Variants in MBOAT1 observed in about 807,000 individuals in gnomAD.
The protein encoded by MBOAT1 is membrane-bound glycerophospholipid O-acyltransferase 1.
In MBOAT1, 67 loss-of-function variants were observed where a neutral mutation model predicts 64.4. The ratio of observed to expected loss-of-function variants is 1.04; its 90% confidence interval spans 0.85 to 1.27. The LOEUF (loss-of-function observed/expected upper bound fraction) is 1.27, where lower values mean the gene tolerates loss of function less well. Ranked by LOEUF, MBOAT1 falls within the 50% of genes most tolerant of loss-of-function variation. The probability of loss-of-function intolerance (pLI) is 0.00; values close to 1 mark genes in which losing one functional copy is unlikely to be tolerated. For synonymous variants in MBOAT1, 229 were observed against 218.9 expected (o/e 1.05, Z -0.41); for missense variants, 563 against 604.6 (o/e 0.93, Z 0.72).
At chr6:20,165,163 G>A (rs572023118) in intron 1 of MBOAT1, among the ~76,000 whole-genome samples, 93 of 152,280 alleles carry the variant, frequency 6.1e-4, no homozygotes, top group African/African-American at 2.1e-3. Context: ...AGAGAAGCTA[G>A]GACTATTAGC....
rs1461083014 is a variant in MBOAT1, at chr6:20,100,635, G to C, written c.*1651C>G. 1.3e-5 allele frequency among the ~76,000 whole-genome samples: 2 copies of C among 152,260 alleles called. No individual in the cohort carries two copies. The highest frequency in any genetic ancestry group is 3.9e-4 in the East Asian group (2 of 5,184). Reference sequence around the variant, plus strand: ...ACATTTCACTATCCTAAGAGAAGCAGCAGTAGGACACCTTATGGACCTGTG... The same window carrying C: ...ACATTTCACTATCCTAAGAGAAGCACCAGTAGGACACCTTATGGACCTGTG... On this transcript the variant is annotated 3_prime_UTR_variant, in exon 13 of 13. Transcript: ENST00000324607.
intron 4 of MBOAT1, among the ~76,000 whole-genome samples, chr6:20,141,661 A>G (rs1426534474): frequency 1.7e-4 from 26 of 152,008 alleles, no homozygotes; most frequent in Admixed American, 1.6e-3. Flanking sequence ...TGCTGAGATG[A>G]TAAGTGTGAG....
intron 1 of MBOAT1, among the ~76,000 whole-genome samples, chr6:20,169,328 A>G (rs1390059131): frequency 6.6e-6 from 1 of 152,252 alleles, no homozygotes; most frequent in Non-Finnish European, 1.5e-5. Context: ...ATTTGAAAAT[A>G]AAACACAATG....
intron 4 of MBOAT1, among the ~76,000 whole-genome samples, chr6:20,135,128 G>A (rs76460681): frequency 2.2e-3 from 339 of 151,948 alleles, no homozygotes; most frequent in African/African-American, 8.0e-3. Context: ...TCCAATCATA[G>A]GATCCACCAT....
intron 1 of MBOAT1, among the ~76,000 whole-genome samples, chr6:20,159,383 T>A (rs986432312): frequency 6.6e-6 from 1 of 152,070 alleles, no homozygotes; most frequent in African/African-American, 2.4e-5. Flanking sequence ...GCAACCTAAG[T>A]GCCATCAAGG....
chr6:20,113,005 C>T lies in MBOAT1; in HGVS notation c.1080G>A (p.Val360=). 6.2e-7 allele frequency: 1 copy of T among 1,613,294 alleles called. No individual in the cohort carries two copies. Among genetic ancestry groups the T allele is most frequent in the Non-Finnish European group, 8.5e-7 (1 of 1,179,650 alleles). ...GGTACCATGGAACCCGCTGATAGCA[C>T]ACACTGTGAAGAGAGGAAGGAACAA... The part of the protein sequence containing the change: ...NIQTATWLKC[V]CYQRVPWYPT... Residue 360 remains valine, a synonymous_variant, in exon 11 of 13, where the codon GTG becomes GTA. Transcript: ENST00000324607.
At chr6:20,175,648 T>G (rs1762322911) in intron 1 of MBOAT1, among the ~76,000 whole-genome samples, 2 of 151,258 alleles carry the variant, frequency 1.3e-5, no homozygotes, top group South Asian at 4.2e-4. Flanking sequence ...TTTTTTTGTA[T>G]TTTAGTAGAG....
intron 10 of MBOAT1, among the ~76,000 whole-genome samples, chr6:20,115,008 T>C (rs1165626634): frequency 2.0e-5 from 3 of 152,102 alleles, no homozygotes; most frequent in Admixed American, 6.5e-5. Context: ...ATCTGTAAAA[T>C]GGGGGTAATA....
rs116026545 is a variant in MBOAT1, at chr6:20,109,554, T to C, written c.1361+44A>G. The C allele has an allele frequency of 1.9e-3, 2,976 of 1,590,620 alleles. 48 individuals carry two copies. In the African/African-American group the frequency reaches 0.034, roughly 18 times the overall value. On this transcript the variant is annotated intron_variant, in intron 12 of 12. Transcript: ENST00000324607. The stretch of plus-strand genomic sequence containing the variant: ...CCTCCTAAGTCAAACACAGTGAAAA[T>C]AGAGTCATTTACGAGATGGCAACTG...
At chr6:20,111,576 T>A (rs1760137973) in intron 11 of MBOAT1, among the ~76,000 whole-genome samples, 1 of 151,792 alleles carries the variant, frequency 6.6e-6, no homozygotes, top group Non-Finnish European at 1.5e-5. Context: ...AACCATAGAG[T>A]AAAAGACACC....
intron 1 of MBOAT1, among the ~76,000 whole-genome samples, chr6:20,153,358 C>A (rs772723149): frequency 9.9e-5 from 15 of 152,162 alleles, no homozygotes; most frequent in Non-Finnish European, 2.1e-4. Context: ...ATGGAAACAG[C>A]CTAAGCTAAC....
chr6:20,119,812 C>T (rs1760439632), intron 8 of MBOAT1, among the ~76,000 whole-genome samples: 1 of 152,106 alleles, frequency 6.6e-6, no homozygotes, highest in African/African-American at 2.4e-5. Context: ...TCGTGAGTGA[C>T]AGAGATCAAT....
chr6:20,173,826 C>T (rs542997264), intron 1 of MBOAT1, among the ~76,000 whole-genome samples: 4 of 152,312 alleles, frequency 2.6e-5, no homozygotes, highest in African/African-American at 9.6e-5. Flanking sequence ...TGGCAGGTGC[C>T]TGCAATCCCA....
At position 20,100,572 on chromosome 6, in the gene MBOAT1, CT is replaced by C. The variant is rs1759758345; in HGVS notation, c.*1713del. 2.0e-5 allele frequency among the ~76,000 whole-genome samples: 3 copies of C among 152,182 alleles called. No individual in the cohort carries two copies. Among genetic ancestry groups the C allele is most frequent in the Admixed American group, 6.5e-5 (1 of 15,276 alleles). On this transcript the variant is annotated 3_prime_UTR_variant, in exon 13 of 13. Coordinates refer to ENST00000324607, the MANE Select transcript of MBOAT1 (RefSeq NM_001080480.3). ...CTAGTACTCTCCCCCAGCACCAGGA[CT>C]GTTTACATGCTGTAGAGGAACAGGC...
At chr6:20,138,782 G>C (rs962614513) in intron 4 of MBOAT1, among the ~76,000 whole-genome samples, 19 of 152,192 alleles carry the variant, frequency 1.2e-4, no homozygotes, top group African/African-American at 4.3e-4. Context: ...GCTGCTGTGA[G>C]AAATTACAAG....
chr6:20,149,300 C>T (rs1445726875), intron 3 of MBOAT1, among the ~76,000 whole-genome samples: 1 of 151,980 alleles, frequency 6.6e-6, no homozygotes, highest in Non-Finnish European at 1.5e-5. Context: ...TGAACCTAGG[C>T]CTGATATGAA....
intron 5 of MBOAT1, among the ~76,000 whole-genome samples, chr6:20,130,538 G>C (rs1760790279): frequency 6.6e-6 from 1 of 152,118 alleles, no homozygotes; most frequent in African/African-American, 2.4e-5. Flanking sequence ...ATTTTTAGTA[G>C]AGACGGGGGT....
chr6:20,192,991 A>ATTTTTTTTTT (rs1238333593), intron 1 of MBOAT1, among the ~76,000 whole-genome samples: 11 of 59,844 alleles, frequency 1.8e-4, no homozygotes, highest in Non-Finnish European at 2.7e-4. Context: ...GTATGCTATA[A>ATTTTTTTTTT]TTTCTTTTTT....
intron 1 of MBOAT1, among the ~76,000 whole-genome samples, chr6:20,202,774 T>C (rs919670013): frequency 6.6e-6 from 1 of 152,232 alleles, no homozygotes; most frequent in African/African-American, 2.4e-5. Context: ...GACGACTCTC[T>C]ATCCTTGTGT....
Sources: allele counts gnomAD v4.1 joint callset (sites outside exome capture counted in the v4.1 genomes callset), GRCh38; gene constraint gnomAD v4.1.1; transcripts MANE v1.5; gene names NCBI Gene and HGNC (gene_info 2026-07-23, HGNC 2026-07-21).